ZZEF1: variants seen among roughly 807,000 people sequenced by gnomAD.
ZZEF1 encodes zinc finger ZZ-type and EF-hand domain containing 1, also known as zinc finger ZZ-type and EF-hand domain-containing protein 1.
ZZEF1 carries 157 observed loss-of-function variants against 342.8 expected under a neutral mutation model. The observed-to-expected ratio is 0.46, with a 90% CI of 0.40 to 0.52. ZZEF1 has a LOEUF of 0.52. Ranked by LOEUF, ZZEF1 falls within the 20% of genes least tolerant of loss-of-function variation. The pLI, the probability that ZZEF1 is intolerant of heterozygous loss-of-function variation, is 0.00. For missense variants in ZZEF1, 3,480 were observed against 3,725.6 expected (o/e 0.93, Z 1.72); for synonymous variants, 1,505 against 1,429.1 (o/e 1.05, Z -1.20).
At chr17:4,073,612 T>A (rs1456350636) in intron 24 of ZZEF1, among the ~76,000 whole-genome samples, 1 of 152,008 alleles carries the variant, frequency 6.6e-6, no homozygotes, top group Non-Finnish European at 1.5e-5. Flanking sequence ...ATTTTTACAT[T>A]TTTTTTGGTA....
chr17:4,086,421 T>C, intron 15 of ZZEF1, 65 bp downstream of exon 15: 1 of 1,543,526 alleles, frequency 6.5e-7, no homozygotes. Context: ...CCCTCTTCTC[T>C]ATAGCAAGAG....
rs1447013009 is a variant in ZZEF1 at position 4,032,850 on chromosome 17, A to G, written c.6737T>C (p.Leu2246Pro). 1 of 1,614,068 alleles carries G rather than the reference A, an allele frequency of 6.2e-7. No individual in the cohort carries two copies. The highest frequency in any genetic ancestry group is 8.5e-7 in the Non-Finnish European group (1 of 1,180,020). Residue 2246 changes from leucine (L) to proline (P), a missense_variant, in exon 41 of 55, where the codon CTC (leucine) becomes CCC (proline). By Grantham distance (98) the Leu-to-Pro change is moderately conservative (BLOSUM62 -3). This residue lies in a region of ZZEF1 where 1,269 missense variants were observed against 1,342.4 expected (regional missense o/e 0.95). Transcript: ENST00000381638. ...TACCTGGGGGAAGCCAACCAGCACG[A>G]GCAGGGTGAAGATGTTGGTGTGCTT... ...QLKHTNIFTL[L>P]VLVGFPQVLC...
At chr17:4,021,581 C>G (rs1464160186) in intron 44 of ZZEF1, among the ~76,000 whole-genome samples, 1 of 152,220 alleles carries the variant, frequency 6.6e-6, no homozygotes, top group Non-Finnish European at 1.5e-5. Context: ...TTTAGAACTT[C>G]TTTTGGCAAA....
intron 2 of ZZEF1, among the ~76,000 whole-genome samples, chr17:4,118,648 C>T (rs571499220): frequency 6.6e-6 from 1 of 152,294 alleles, no homozygotes; most frequent in South Asian, 2.1e-4. Context: ...GCAACACACC[C>T]AAATGAGGAA....
chr17:4,060,367 C>T (rs2057258060), intron 30 of ZZEF1, among the ~76,000 whole-genome samples: 1 of 152,112 alleles, frequency 6.6e-6, no homozygotes, highest in Non-Finnish European at 1.5e-5. Context: ...GAGTTCAAGA[C>T]CAGCCTGGCC....
At chr17:4,015,329 T>A (rs1033744228) in intron 49 of ZZEF1, among the ~76,000 whole-genome samples, 1 of 152,248 alleles carries the variant, frequency 6.6e-6, no homozygotes, top group Non-Finnish European at 1.5e-5. Flanking sequence ...GTTATACTTC[T>A]GAAAAACAAA....
intron 24 of ZZEF1, 150 bp downstream of exon 24, chr17:4,074,000 T>C (rs1480932647): frequency 1.1e-6 from 1 of 887,398 alleles, no homozygotes; most frequent in Non-Finnish European, 1.7e-6. Flanking sequence ...TGGTATTGAG[T>C]GGACACTTTA....
intron 39 of ZZEF1, among the ~76,000 whole-genome samples, chr17:4,036,078 C>CAA (rs34564566): frequency 0.056 from 5,176 of 92,630 alleles, 360 homozygotes; most frequent in African/African-American, 0.14. Flanking sequence ...ACAGCCTGTC[C>CAA]AAAAAAAAAA....
intron 45 of ZZEF1, chr17:4,020,050 C>G (rs771406215): frequency 2.9e-5 from 9 of 308,872 alleles, no homozygotes; most frequent in Non-Finnish European, 4.7e-5. Context: ...TAGATACTTA[C>G]CACATCGTAT....
intron 25 of ZZEF1, among the ~76,000 whole-genome samples, chr17:4,072,006 G>A (rs2057519258): frequency 6.6e-6 from 1 of 152,126 alleles, no homozygotes; most frequent in Non-Finnish European, 1.5e-5. Flanking sequence ...TCAGATGTAA[G>A]AGAAGACAGC....
In ZZEF1 at chr17:4,117,004, T is replaced by TA; in HGVS notation, c.661_662insT (p.Glu221ValfsTer19). 6.2e-7 allele frequency: 1 copy of TA among 1,611,898 alleles called. No individual in the cohort carries two copies. Among genetic ancestry groups the TA allele is most frequent in the Non-Finnish European group, 8.5e-7 (1 of 1,178,518 alleles). On this transcript the variant is annotated frameshift_variant, in exon 3 of 55. Transcript: ENST00000381638. LOFTEE classifies it high-confidence loss of function. ...CTTTTGTACCAGCTGATCCAGAGACTCCTTCAGGACGGAAGACCGCATGGT... is the reference window on the plus strand; with the variant it reads ...CTTTTGTACCAGCTGATCCAGAGACTACCTTCAGGACGGAAGACCGCATGGT...
chr17:4,114,542 T>C, intron 3 of ZZEF1, 72 bp from the exon 4 acceptor site: 1 of 1,270,420 alleles, frequency 7.9e-7, no homozygotes. Flanking sequence ...ATTTAAAATA[T>C]CTAACAGAAA....
chr17:4,105,332 C>G (rs1377781514), intron 7 of ZZEF1, among the ~76,000 whole-genome samples: 1 of 152,222 alleles, frequency 6.6e-6, no homozygotes, highest in Non-Finnish European at 1.5e-5. Flanking sequence ...TCCAGGTGCC[C>G]TTTCCCAGTT....
rs560087530 is a variant in ZZEF1, at chr17:4,107,653, A to G, written c.1278-1844T>C. Reference sequence around the variant, plus strand: ...GGGTGTCCATGCAAGGGCAGGGGCAATGGGACACTGGTTACATAGAGGCGA... The same window carrying G: ...GGGTGTCCATGCAAGGGCAGGGGCAGTGGGACACTGGTTACATAGAGGCGA... On this transcript the variant is annotated intron_variant, in intron 6 of 54. Transcript: ENST00000381638. 2.0e-5 allele frequency among the ~76,000 whole-genome samples: 3 copies of G among 152,380 alleles called. No individual in the cohort carries two copies. In the South Asian group the frequency reaches 6.2e-4, roughly 32 times the overall value.
At chr17:4,050,332 G>A (rs1385269256) in intron 36 of ZZEF1, among the ~76,000 whole-genome samples, 1 of 152,126 alleles carries the variant, frequency 6.6e-6, no homozygotes, top group Non-Finnish European at 1.5e-5. Context: ...TAACTTTCAA[G>A]TTGCTTTCTT....
intron 17 of ZZEF1, among the ~76,000 whole-genome samples, 166 bp from the exon 18 acceptor site, chr17:4,081,656 G>A (rs1363606586): frequency 2.0e-5 from 3 of 152,214 alleles, no homozygotes; most frequent in African/African-American, 4.8e-5. Context: ...GGGCTGTGCC[G>A]CTGTCTGTCC....
At position 4,087,825 on chromosome 17, in the gene ZZEF1, C is replaced by CACACAT. The variant is rs1016601880; in HGVS notation, c.2242-292_2242-291insATGTGT. On this transcript the variant is annotated intron_variant, in intron 13 of 54. Transcript: ENST00000381638. ...ACACACACACACACACACACACACA[C>CACACAT]ATCCATGAACGCTCCTGACTTCCTA... 2.1e-5 allele frequency among the ~76,000 whole-genome samples: 3 copies of CACACAT among 140,386 alleles called. No individual in the cohort carries two copies. In the South Asian group the frequency reaches 7.0e-4, roughly 33 times the overall value. 92.1% of individuals were successfully genotyped at this position (140,386 alleles called of 152,430 possible). A position where few individuals can be genotyped will look rare whatever the true frequency, so the allele number is the denominator to read the frequency against.
rs775993807 is a variant in ZZEF1, at chr17:4,009,730, C to T, written c.8607G>A (p.Lys2869=). 13 of 1,614,080 alleles carry T rather than the reference C, an allele frequency of 8.1e-6. No homozygotes were observed. The South Asian group carries it at 1.3e-4, about 16-fold the overall frequency. The part of the protein sequence containing the change: ...HSDLCDLALL[K]PLWQLFTHME... ...TGTGGGTAAAGAGCTGCCACAGGGG[C>T]TTCAACAGCGCAAGGTCACACAGGT... The change falls in exon 53 of 55, where the codon AAG becomes AAA. Residue 2869 remains lysine (K), a synonymous_variant. Transcript: ENST00000381638.
chr17:4,088,061 A>T (rs1008310642), intron 13 of ZZEF1, among the ~76,000 whole-genome samples: 2 of 152,142 alleles, frequency 1.3e-5, no homozygotes, highest in Non-Finnish European at 2.9e-5. Context: ...GAACTGAGTC[A>T]CCAGCCTCTG....
Sources: allele counts gnomAD v4.1 joint callset (sites outside exome capture counted in the v4.1 genomes callset), GRCh38; gene constraint gnomAD v4.1.1; regional missense constraint gnomAD v4.1.1; transcripts MANE v1.5; gene names NCBI Gene and HGNC (gene_info 2026-07-23, HGNC 2026-07-21).